The following PLCXD3 variants were observed in gnomAD, a reference collection of about 807,000 sequenced individuals.
PLCXD3 encodes the protein PI-PLC X domain-containing protein 3.
PLCXD3 carries 19 observed loss-of-function variants against 25.5 expected under a neutral mutation model. That is an observed-to-expected ratio of 0.75 (90% CI 0.52 to 1.09). The LOEUF (loss-of-function observed/expected upper bound fraction) is 1.09, where lower values mean the gene tolerates loss of function less well. Ranked by LOEUF, PLCXD3 falls within the 50% of genes least tolerant of loss-of-function variation. PLCXD3 has a pLI of 0.00. For missense variants in PLCXD3, 411 were observed against 388.1 expected, an observed-to-expected ratio of 1.06 and a Z score of -0.50; for synonymous variants, 174 against 137.6, an observed-to-expected ratio of 1.26 and a Z score of -1.85.
At chr5:41,464,081 C>A (rs1747954942) in intron 1 of PLCXD3, among the ~76,000 whole-genome samples, 1 of 151,976 alleles carries the variant, frequency 6.6e-6, no homozygotes, top group African/African-American at 2.4e-5. Context: ...CAGACCACTC[C>A]AACCTCATAC....
rs551877619 is a variant in PLCXD3 at position 41,459,578 on chromosome 5, C to T, written c.103+50846G>A. Among the ~76,000 whole-genome samples, 5 of 151,850 alleles carry T rather than the reference C, an allele frequency of 3.3e-5. No homozygotes were observed. In the South Asian group the frequency reaches 8.3e-4, roughly 25 times the overall value. On this transcript the variant is annotated intron_variant, in intron 1 of 2. Coordinates refer to ENST00000377801, the MANE Select transcript of PLCXD3 (RefSeq NM_001005473.3). ...GGATATCAATACCAAATTAATATTCCTAAAATAACACACACAGAATATTAA... is the reference window on the plus strand; with the variant it reads ...GGATATCAATACCAAATTAATATTCTTAAAATAACACACACAGAATATTAA...
intron 1 of PLCXD3, among the ~76,000 whole-genome samples, chr5:41,427,738 C>T (rs936893840): frequency 2.0e-5 from 3 of 152,024 alleles, no homozygotes; most frequent in Non-Finnish European, 4.4e-5. Context: ...GTTGAACTGT[C>T]GCTTCCAAAC....
chr5:41,422,790 T>C (rs1746859857), intron 1 of PLCXD3, among the ~76,000 whole-genome samples: 2 of 152,176 alleles, frequency 1.3e-5, no homozygotes, highest in South Asian at 4.1e-4. Flanking sequence ...TTTTCCAGTA[T>C]GTGTGTTTTT....
At chr5:41,399,039 G>A (rs996534993) in intron 1 of PLCXD3, among the ~76,000 whole-genome samples, 1 of 152,196 alleles carries the variant, frequency 6.6e-6, no homozygotes, top group South Asian at 2.1e-4. Flanking sequence ...AAAAAAAGTA[G>A]CATTTCTACA....
chr5:41,316,422 A>G (rs1438759309), intron 2 of PLCXD3, among the ~76,000 whole-genome samples: 1 of 152,160 alleles, frequency 6.6e-6, no homozygotes, highest in East Asian at 1.9e-4. Context: ...AAGACTCAGC[A>G]TATTACTAGC....
At chr5:41,356,774 C>T (rs1479517063) in intron 2 of PLCXD3, among the ~76,000 whole-genome samples, 1 of 152,108 alleles carries the variant, frequency 6.6e-6, no homozygotes, top group Non-Finnish European at 1.5e-5. Flanking sequence ...ACGTATTTTC[C>T]CTTTCATCTT....
rs138531582 is a variant in PLCXD3, at chr5:41,432,581, A to C, written c.104-50047T>G. 6.7e-4 allele frequency among the ~76,000 whole-genome samples: 102 copies of C among 152,300 alleles called. No homozygotes were observed. The South Asian group carries it at 0.015, about 23-fold the overall frequency. ...AGTTATGTTAAAACTGTCTTTTCCA[A>C]AGTACAACCTGCCAGAGAAAAGCAC... On this transcript the variant is annotated intron_variant, in intron 1 of 2. Coordinates refer to ENST00000377801, the MANE Select transcript of PLCXD3 (RefSeq NM_001005473.3).
chr5:41,403,442 T>C (rs893100301), intron 1 of PLCXD3, among the ~76,000 whole-genome samples: 1 of 52,764 alleles, frequency 1.9e-5, no homozygotes, highest in African/African-American at 6.8e-5. Flanking sequence ...TTAGGGTACA[T>C]GTGCACATTG....
At chr5:41,490,335 G>T (rs1303711151) in intron 1 of PLCXD3, among the ~76,000 whole-genome samples, 1 of 152,172 alleles carries the variant, frequency 6.6e-6, no homozygotes, top group African/African-American at 2.4e-5. Context: ...GATTCAGTTT[G>T]CCAGTATTTT....
At chr5:41,459,287 G>GA (rs376644022) in intron 1 of PLCXD3, among the ~76,000 whole-genome samples, 3 of 151,662 alleles carry the variant, frequency 2.0e-5, no homozygotes, top group African/African-American at 4.8e-5. Context: ...TAGACAAAAG[G>GA]AAAAAAATAG....
chr5:41,504,789 G>A (rs369989875), intron 1 of PLCXD3, among the ~76,000 whole-genome samples: 2 of 152,178 alleles, frequency 1.3e-5, no homozygotes, highest in East Asian at 1.9e-4. Flanking sequence ...CAGAGGACTA[G>A]TTTATCAATC....
chr5:41,385,368 A>T (rs561109219), intron 1 of PLCXD3, among the ~76,000 whole-genome samples: 16 of 152,216 alleles, frequency 1.1e-4, no homozygotes, highest in African/African-American at 3.9e-4. Flanking sequence ...TGTTGAGTTT[A>T]GTTTCTCATC....
intron 2 of PLCXD3, among the ~76,000 whole-genome samples, chr5:41,340,688 C>T (rs1744114348): frequency 6.6e-6 from 1 of 152,096 alleles, no homozygotes; most frequent in Non-Finnish European, 1.5e-5. Context: ...GTCTCTCAGG[C>T]AGAACTGTTT....
intron 2 of PLCXD3, among the ~76,000 whole-genome samples, chr5:41,332,542 C>T (rs1743851074): frequency 2.0e-5 from 3 of 152,130 alleles, no homozygotes; most frequent in African/African-American, 7.2e-5. Flanking sequence ...GTGGTGATTC[C>T]TCAGGGATCT....
At chr5:41,470,548 A>T (rs1405670610) in intron 1 of PLCXD3, among the ~76,000 whole-genome samples, 2 of 152,208 alleles carry the variant, frequency 1.3e-5, no homozygotes. Flanking sequence ...CTGAAAGGAG[A>T]ACTAAGGTTT....
intron 2 of PLCXD3, among the ~76,000 whole-genome samples, chr5:41,332,575 C>A (rs1462979047): frequency 6.6e-6 from 1 of 151,976 alleles, no homozygotes. Context: ...ACCATTTGAC[C>A]CAGCCATCCC....
At chr5:41,449,986 C>T (rs1215678912) in intron 1 of PLCXD3, among the ~76,000 whole-genome samples, 2 of 152,094 alleles carry the variant, frequency 1.3e-5, no homozygotes, top group African/African-American at 4.8e-5. Context: ...CTAAAGAAGA[C>T]ATCAATGGCT....
intron 1 of PLCXD3, among the ~76,000 whole-genome samples, chr5:41,449,549 G>T (rs1172443461): frequency 6.6e-6 from 1 of 152,090 alleles, no homozygotes; most frequent in Non-Finnish European, 1.5e-5. Context: ...TAGTTTATTT[G>T]AAAGGTGATC....
intron 1 of PLCXD3, among the ~76,000 whole-genome samples, chr5:41,398,333 T>C (rs1459389921): frequency 6.6e-6 from 1 of 152,116 alleles, no homozygotes; most frequent in African/African-American, 2.4e-5. Flanking sequence ...AACTTTCCTG[T>C]TTCCTCTCCC....
Sources: gnomAD v4.1 joint callset for allele counts (sites outside exome capture counted in the v4.1 genomes callset) on GRCh38, gnomAD v4.1.1 for gene constraint, MANE v1.5 for transcripts, NCBI Gene and HGNC (gene_info 2026-07-23, HGNC 2026-07-21) for gene names.